Variants in TOMM20L observed in about 807,000 individuals in gnomAD.
The protein encoded by TOMM20L is translocase of outer mitochondrial membrane 20 like, also known as TOMM20-like protein 1.
In TOMM20L, 19 loss-of-function variants were observed where a neutral mutation model predicts 20.4. That is an observed-to-expected ratio of 0.93 (90% CI 0.65 to 1.36). TOMM20L has a LOEUF of 1.36. Ranked by LOEUF, TOMM20L falls within the 40% of genes most tolerant of loss-of-function variation. TOMM20L has a pLI of 0.00. For synonymous variants in TOMM20L, 75 were observed against 79.6 expected, an observed-to-expected ratio of 0.94 and a Z score of 0.30; for missense variants, 218 against 203.7, an observed-to-expected ratio of 1.07 and a Z score of -0.43.
downstream of TOMM20L, among the ~76,000 whole-genome samples, chr14:58,409,439 G>A (rs1313562614): frequency 6.6e-6 from 1 of 152,142 alleles, no homozygotes; most frequent in Non-Finnish European, 1.5e-5. Flanking sequence ...TAGATTTTCT[G>A]CAAGTGTATT....
In TOMM20L at chr14:58,404,099, G is replaced by GTGTGTATATATATA. The variant is rs1408980666; in HGVS notation, c.262+1339_262+1340insGTGTATATATATAT. Among the ~76,000 whole-genome samples, 97 of 22,924 alleles carry GTGTGTATATATATA rather than the reference G, an allele frequency of 4.2e-3. 29 individuals carry two copies. Among genetic ancestry groups the GTGTGTATATATATA allele is most frequent in the Middle Eastern group, 0.029 (1 of 34 alleles). 15.0% of individuals were successfully genotyped at this position (22,924 alleles called of 152,430 possible). A position where few individuals can be genotyped will look rare whatever the true frequency, so the allele number is the denominator to read the frequency against. ...GTACAATGTATATATACATATATAT[G>GTGTGTATATATATA]TATATATATATATATATATATTTTT... On this transcript the variant is annotated intron_variant, in intron 3 of 4. Transcript: ENST00000360945.
At chr14:58,407,544 C>A (rs1356425578) in intron 4 of TOMM20L, 76 bp downstream of exon 4, 3 of 1,459,472 alleles carry the variant, frequency 2.1e-6, no homozygotes, top group Non-Finnish European at 2.7e-6. Flanking sequence ...ACAGAAATAT[C>A]AAAGTATGTG....
chr14:58,410,675 T>A (rs1269407556), downstream of TOMM20L, among the ~76,000 whole-genome samples: 1 of 152,240 alleles, frequency 6.6e-6, no homozygotes, highest in African/African-American at 2.4e-5. Context: ...TTGGCACTGT[T>A]AAACTCAATG....
intron 2 of TOMM20L, among the ~76,000 whole-genome samples, chr14:58,400,491 C>G (rs374275527): frequency 6.6e-6 from 1 of 151,410 alleles, no homozygotes; most frequent in Non-Finnish European, 1.5e-5. Flanking sequence ...CTGCCTATTC[C>G]GATTGACTGC....
intron 3 of TOMM20L, 48 bp from the exon 4 acceptor site, chr14:58,407,278 T>C: frequency 6.4e-7 from 1 of 1,550,964 alleles, no homozygotes; most frequent in South Asian, 1.2e-5. Flanking sequence ...AGAATGTCTG[T>C]TTTAAAGAAC....
chr14:58,404,147 G>GTTTTTTTTTTTT (rs1566743005), intron 3 of TOMM20L, among the ~76,000 whole-genome samples: 4 of 20,240 alleles, frequency 2.0e-4, no homozygotes, highest in African/African-American at 4.4e-4. Flanking sequence ...TTTTTTTTTT[G>GTTTTTTTTTTTT]GAGACGGAGT....
At chr14:58,414,595 G>A in the TOMM20L span, among the ~76,000 whole-genome samples, 10 of 151,646 alleles carry the variant, frequency 6.6e-5, no homozygotes, top group South Asian at 2.1e-4. Context: ...AAAATTAGCC[G>A]GGCATGGTGG....
At chr14:58,409,546 A>G (rs1359119405), downstream of TOMM20L, among the ~76,000 whole-genome samples, 1 of 152,032 alleles carries the variant, frequency 6.6e-6, no homozygotes, top group Non-Finnish European at 1.5e-5. Context: ...AACATTCTTA[A>G]TTCTCAACCT....
chr14:58,396,066 C>G lies in TOMM20L; in HGVS notation c.109C>G (p.Pro37Ala). The G allele has an allele frequency of 7.1e-7, 1 of 1,408,976 alleles. No homozygotes were observed. Among genetic ancestry groups the G allele is most frequent in the South Asian group, 1.8e-5 (1 of 55,558 alleles). The allele number at this position is 1,408,976 out of a possible 1,614,324, so 87.3% of individuals were successfully genotyped here. A position where few individuals can be genotyped will look rare whatever the true frequency, so the allele number is the denominator to read the frequency against. The change falls in exon 1 of 5, where the codon CCC becomes GCC. Residue 37 changes from proline to alanine, a missense_variant. By Grantham distance (27) the Pro-to-Ala change is conservative (BLOSUM62 -1). Transcript: ENST00000360945. Reference protein sequence around the residue: ...IYLNRKRRGDPAFKRRLRDKR... With the variant: ...IYLNRKRRGDAAFKRRLRDKR... The stretch of plus-strand genomic sequence containing the variant: ...CCTCAACCGGAAGCGGCGCGGGGAC[C>G]CCGCGTTCAAGCGCCGCCTGCGGGA...
chr14:58,397,472 G>A (rs1327488356), intron 2 of TOMM20L, among the ~76,000 whole-genome samples: 2 of 152,212 alleles, frequency 1.3e-5, no homozygotes, highest in Non-Finnish European at 2.9e-5. Context: ...CGGGAATATT[G>A]CGGTAGCCAT....
the TOMM20L span, among the ~76,000 whole-genome samples, chr14:58,416,939 C>A: frequency 6.6e-6 from 1 of 152,056 alleles, no homozygotes; most frequent in African/African-American, 2.4e-5. Flanking sequence ...TTGGCTATGT[C>A]CCCACCCAAA....
intron 3 of TOMM20L, among the ~76,000 whole-genome samples, chr14:58,405,037 C>G (rs1254012858): frequency 6.6e-6 from 1 of 150,994 alleles, no homozygotes; most frequent in Admixed American, 6.6e-5. Context: ...GGCGCCATCT[C>G]AGCCCATTGC....
chr14:58,402,582 C>T, intron 2 of TOMM20L, 98 bp from the exon 3 acceptor site: 1 of 959,314 alleles, frequency 1.0e-6, no homozygotes, highest in Non-Finnish European at 1.6e-6. Context: ...GCCACCGCAT[C>T]TGGCCCAAGA....
chr14:58,411,535 C>T (rs1455224201), downstream of TOMM20L, among the ~76,000 whole-genome samples: 1 of 151,780 alleles, frequency 6.6e-6, no homozygotes, highest in Non-Finnish European at 1.5e-5. Context: ...TTTTGTGAAA[C>T]CACTGACATG....
chr14:58,410,754 T>C, downstream of TOMM20L: 5 of 878,896 alleles, frequency 5.7e-6, no homozygotes, highest in Non-Finnish European at 3.5e-6. Flanking sequence ...ATTCCTGTAA[T>C]AAGTAGGAAC....
At chr14:58,410,298 C>A (rs934023974), downstream of TOMM20L, among the ~76,000 whole-genome samples, 5 of 151,980 alleles carry the variant, frequency 3.3e-5, no homozygotes, top group African/African-American at 1.2e-4. Context: ...TGGTTTCGAA[C>A]TCCTGGGCTC....
At chr14:58,402,606 T>TA (rs1319857609) in intron 2 of TOMM20L, 74 bp from the exon 3 acceptor site, 8 of 1,225,182 alleles carry the variant, frequency 6.5e-6, no homozygotes, top group Admixed American at 1.8e-5. Flanking sequence ...CCTTTTTAAA[T>TA]AAAAAATAAT....
intron 2 of TOMM20L, among the ~76,000 whole-genome samples, chr14:58,401,672 GA>G (rs2035995075): frequency 6.6e-6 from 1 of 152,138 alleles, no homozygotes; most frequent in Non-Finnish European, 1.5e-5. Flanking sequence ...TGAAACACTG[GA>G]GCTGAAGTAA....
chr14:58,408,567 GGAT>G lies in TOMM20L; in HGVS notation c.448_450del (p.Asp150del), dbSNP rs765970342. ...ACATGAATGAACAGGACTGCTTGGA[GGAT>G]GATCCTGATTGAAAAACATTTCAAC... is the stretch of plus-strand genomic sequence containing the variant. On this transcript the variant is annotated inframe_deletion, in exon 5 of 5. Transcript: ENST00000360945. 6.2e-7 allele frequency: 1 copy of G among 1,614,062 alleles called. No individual in the cohort carries two copies. The highest frequency in any genetic ancestry group is 1.7e-5 in the Admixed American group (1 of 59,998).
Sources: allele counts gnomAD v4.1 joint callset (sites outside exome capture counted in the v4.1 genomes callset), GRCh38; gene constraint gnomAD v4.1.1; transcripts MANE v1.5; gene names NCBI Gene and HGNC (gene_info 2026-07-23, HGNC 2026-07-21).